Variants in DACH2 observed in about 807,000 individuals in gnomAD.
DACH2 encodes dachshund homolog 2.
Under a neutral mutation model 35.8 loss-of-function variants are expected in DACH2, and 17 were observed. The ratio of observed to expected loss-of-function variants is 0.48; its 90% CI spans 0.33 to 0.71. The LOEUF (loss-of-function observed/expected upper bound fraction) is 0.71. DACH2 is among the 30% of genes least tolerant of loss of function. The pLI, the probability that DACH2 is intolerant of heterozygous loss-of-function variation, is 0.02. For missense variants in DACH2, 469 were observed against 472.7 expected (o/e 0.99, Z 0.07); for synonymous variants, 195 against 177.3 (o/e 1.10, Z -0.79).
intron 6 of DACH2, among the ~76,000 whole-genome samples, chrX:86,738,292 A>G (rs2041617667): frequency 8.9e-6 from 1 of 111,842 alleles, no homozygotes; most frequent in Admixed American, 9.6e-5. Context: ...GATAATGTTA[A>G]CTACTACTAA....
chrX:86,485,491 T>G (rs1341622863), intron 2 of DACH2, among the ~76,000 whole-genome samples: 1 of 111,377 alleles, frequency 9.0e-6, no homozygotes, highest in East Asian at 2.8e-4. Context: ...AGCAGTAATG[T>G]GTTATATGTT....
intron 3 of DACH2, among the ~76,000 whole-genome samples, chrX:86,543,261 C>T (rs767186021): frequency 1.8e-5 from 2 of 111,487 alleles, no homozygotes; most frequent in African/African-American, 6.5e-5. Context: ...TGATACTAGT[C>T]GACTGAATCC....
In DACH2 at chrX:86,314,382, C is replaced by T. The variant is rs376256894; in HGVS notation, c.489-62442C>T. Among the ~76,000 whole-genome samples the T allele has an allele frequency of 5.9e-4, 65 of 110,623 alleles. 1 individual carries two copies. Among genetic ancestry groups the T allele is most frequent in the African/African-American group, 1.1e-3 (33 of 30,421 alleles). ...AAAATTAAAAAATTAGCTGAGCATACGGGTTCATGCCTGTAGTCCCAGCTG... is the reference window on the plus strand; with the variant it reads ...AAAATTAAAAAATTAGCTGAGCATATGGGTTCATGCCTGTAGTCCCAGCTG... On this transcript the variant is annotated intron_variant, in intron 1 of 11. Coordinates refer to ENST00000373125, the MANE Select transcript of DACH2 (RefSeq NM_053281.3).
chrX:86,785,245 C>T (rs1297015868), intron 7 of DACH2, among the ~76,000 whole-genome samples: 4 of 111,666 alleles, frequency 3.6e-5, no homozygotes, highest in Non-Finnish European at 5.6e-5. Flanking sequence ...GTTGCGTAAG[C>T]AGTGAAATAT....
At chrX:86,642,608 T>C (rs114221274) in intron 3 of DACH2, among the ~76,000 whole-genome samples, 1,290 of 112,046 alleles carry the variant, frequency 0.012, 19 homozygotes, top group African/African-American at 0.04. Context: ...CAAATGGATC[T>C]GATAGACCTT....
At chrX:86,194,882 G>A (rs572908465) in intron 1 of DACH2, among the ~76,000 whole-genome samples, 2 of 112,778 alleles carry the variant, frequency 1.8e-5, no homozygotes, top group South Asian at 7.4e-4. Context: ...GGACCAGGCC[G>A]ACTTGAGCAT....
At position 86,673,475 on chromosome X, in the gene DACH2, G is replaced by A. The variant is rs1364763759; in HGVS notation, c.773-21546G>A. ...CTTATTTCTTCCTTTTGCAACAGGTGTATTTATCCAATGCCTGTACCCCCA... is the reference window on the plus strand; with the variant it reads ...CTTATTTCTTCCTTTTGCAACAGGTATATTTATCCAATGCCTGTACCCCCA... On this transcript the variant is annotated intron_variant, in intron 4 of 11. Coordinates refer to ENST00000373125, the MANE Select transcript of DACH2 (RefSeq NM_053281.3). Among the ~76,000 whole-genome samples, 5 of 110,907 alleles carry A rather than the reference G, an allele frequency of 4.5e-5. No individual in the cohort carries two copies. The South Asian group carries it at 1.9e-3, about 42-fold the overall frequency.
chrX:86,739,035 G>A (rs1310951901), intron 6 of DACH2, among the ~76,000 whole-genome samples: 1 of 110,636 alleles, frequency 9.0e-6, no homozygotes, highest in East Asian at 2.9e-4. Context: ...ACCATGCCTG[G>A]CTAATTTTTT....
At chrX:86,603,060 A>T (rs746822675) in intron 3 of DACH2, among the ~76,000 whole-genome samples, 1 of 111,548 alleles carries the variant, frequency 9.0e-6, no homozygotes, top group South Asian at 3.7e-4. Context: ...TGGATCCTGG[A>T]AGTCAAAATT....
At chrX:86,709,027 G>C (rs2041249754) in intron 5 of DACH2, among the ~76,000 whole-genome samples, 2 of 111,510 alleles carry the variant, frequency 1.8e-5, no homozygotes, top group Admixed American at 1.9e-4. Flanking sequence ...ATCCAAGGAA[G>C]TTGTTTTGTG....
chrX:86,774,220 C>A (rs186943236), intron 7 of DACH2, among the ~76,000 whole-genome samples: 1 of 112,108 alleles, frequency 8.9e-6, no homozygotes, highest in Non-Finnish European at 1.9e-5. Flanking sequence ...ACAAATAATT[C>A]CTATGTAAAC....
intron 3 of DACH2, among the ~76,000 whole-genome samples, chrX:86,640,423 C>T (rs1200994676): frequency 8.9e-6 from 1 of 111,763 alleles, no homozygotes; most frequent in African/African-American, 3.3e-5. Context: ...CGGTTCATAA[C>T]CAGACAGTAA....
At chrX:86,336,390 G>C (rs1295867532) in intron 1 of DACH2, among the ~76,000 whole-genome samples, 1 of 112,043 alleles carries the variant, frequency 8.9e-6, no homozygotes, top group Non-Finnish European at 1.9e-5. Flanking sequence ...GGCTTCCAGA[G>C]GAAGGAAGAG....
intron 2 of DACH2, among the ~76,000 whole-genome samples, chrX:86,403,209 C>T (rs891377926): frequency 1.2e-4 from 14 of 112,164 alleles, no homozygotes; most frequent in African/African-American, 3.9e-4. Flanking sequence ...TAAAGAGCTT[C>T]TGCACAGCAA....
chrX:86,330,526 G>T (rs1010835960), intron 1 of DACH2, among the ~76,000 whole-genome samples: 2 of 111,658 alleles, frequency 1.8e-5, no homozygotes, highest in Non-Finnish European at 3.8e-5. Context: ...TATAGAAGGT[G>T]CAAGAGCTTG....
At chrX:86,624,060 C>CAAAAAAAAAAAAAA (rs34140706) in intron 3 of DACH2, among the ~76,000 whole-genome samples, 60 of 35,625 alleles carry the variant, frequency 1.7e-3, no homozygotes, top group East Asian at 2.3e-3. Flanking sequence ...AAAAACAAAA[C>CAAAAAAAAAAAAAA]AAAAAAAAAA....
At chrX:86,330,102 T>G (rs1415773257) in intron 1 of DACH2, among the ~76,000 whole-genome samples, 1 of 112,360 alleles carries the variant, frequency 8.9e-6, no homozygotes, top group Non-Finnish European at 1.9e-5. Flanking sequence ...TTGCTTTGGA[T>G]GACAGACTTG....
intron 1 of DACH2, among the ~76,000 whole-genome samples, chrX:86,262,816 G>A (rs1338039885): frequency 8.9e-6 from 1 of 112,024 alleles, no homozygotes; most frequent in African/African-American, 3.2e-5. Flanking sequence ...TTTGCAACAT[G>A]TACATGAAAA....
chrX:86,763,452 CT>C (rs756841068), intron 7 of DACH2, among the ~76,000 whole-genome samples: 2 of 110,788 alleles, frequency 1.8e-5, no homozygotes, highest in Admixed American at 9.6e-5. Flanking sequence ...ATGACGTTTA[CT>C]TTTTTTTTGT....
Sources: gnomAD v4.1 joint callset for allele counts (sites outside exome capture counted in the v4.1 genomes callset) on GRCh38, gnomAD v4.1.1 for gene constraint, MANE v1.5 for transcripts, NCBI Gene and HGNC (gene_info 2026-07-23, HGNC 2026-07-21) for gene names.